The following RELN variants were observed in gnomAD, a reference collection of about 807,000 sequenced individuals.
The protein encoded by RELN is reelin.
Under a neutral mutation model 427.6 loss-of-function variants are expected in RELN, and 108 were observed. The ratio of observed to expected loss-of-function variants is 0.25; its 90% CI spans 0.22 to 0.30. RELN has a LOEUF of 0.30. Ranked by LOEUF, RELN falls within the 10% of genes least tolerant of loss-of-function variation. RELN has a pLI of 1.00. For synonymous variants in RELN, 1,524 were observed against 1,513.4 expected, an observed-to-expected ratio of 1.01 and a Z score of -0.16; for missense variants, 3,715 against 4,302.8, an observed-to-expected ratio of 0.86 and a Z score of 3.82.
intron 3 of RELN, among the ~76,000 whole-genome samples, chr7:103,812,185 A>G (rs536405744): frequency 6.6e-6 from 1 of 151,056 alleles, no homozygotes; most frequent in South Asian, 2.1e-4. Context: ...TTTTACTTTC[A>G]CTCCTTAGGG....
In RELN at chr7:103,604,388, T is replaced by C. The variant is rs1425464050; in HGVS notation, c.3104A>G (p.Asn1035Ser). The part of the protein sequence containing the change: ...DSIYIGQQCP[N>S]MCSGHGSCDH... ...GCATGAGCCATGCCCACTGCACATG[T>C]TGGGGCACTGCTGCCCAATGTAAAT... Residue 1035 changes from asparagine to serine, a missense_variant, in exon 23 of 65, where the codon AAC (asparagine) becomes AGC (serine). By Grantham distance (46) the Asn-to-Ser change is conservative (BLOSUM62 1). This residue lies in a region of RELN where 2,208 missense variants were observed against 2,361.7 expected (regional missense o/e 0.93). Transcript: ENST00000428762. 6.2e-7 allele frequency: 1 copy of C among 1,613,964 alleles called. No individual in the cohort carries two copies. The highest frequency in any genetic ancestry group is 1.1e-5 in the South Asian group (1 of 91,080).
intron 1 of RELN, among the ~76,000 whole-genome samples, chr7:103,938,186 T>C (rs1796028825): frequency 1.3e-5 from 2 of 152,124 alleles, no homozygotes; most frequent in South Asian, 4.2e-4. Flanking sequence ...CCAGGTGTGG[T>C]GGCGCATGCC....
At chr7:103,669,323 T>C (rs1043070489) in intron 11 of RELN, among the ~76,000 whole-genome samples, 22 of 152,226 alleles carry the variant, frequency 1.4e-4, no homozygotes, top group Non-Finnish European at 2.5e-4. Context: ...AAAAGTCCTG[T>C]TGCTTTGAAT....
intron 28 of RELN, among the ~76,000 whole-genome samples, chr7:103,581,286 C>A (rs1282737798): frequency 1.3e-5 from 2 of 152,166 alleles, no homozygotes; most frequent in Non-Finnish European, 2.9e-5. Flanking sequence ...CTGCTATGTG[C>A]TTCCCATTCC....
At chr7:103,712,800 A>G (rs1789837695) in intron 8 of RELN, among the ~76,000 whole-genome samples, 1 of 152,122 alleles carries the variant, frequency 6.6e-6, no homozygotes, top group African/African-American at 2.4e-5. Context: ...ATCTTCAAGA[A>G]TTTCATCTAT....
At chr7:103,841,786 A>T (rs999838630) in intron 2 of RELN, among the ~76,000 whole-genome samples, 1 of 152,196 alleles carries the variant, frequency 6.6e-6, no homozygotes, top group Non-Finnish European at 1.5e-5. Flanking sequence ...ATTACCAAAA[A>T]TAACCCACCT....
intron 2 of RELN, among the ~76,000 whole-genome samples, chr7:103,851,671 A>G (rs1793825267): frequency 6.6e-6 from 1 of 151,860 alleles, no homozygotes; most frequent in Non-Finnish European, 1.5e-5. Context: ...TTTTTCTGCC[A>G]CTCTTCAGTC....
chr7:103,947,827 C>G (rs951511506), intron 1 of RELN, among the ~76,000 whole-genome samples: 1 of 152,144 alleles, frequency 6.6e-6, no homozygotes, highest in African/African-American at 2.4e-5. Flanking sequence ...AATATTACCC[C>G]TTACAATGTC....
chr7:103,968,805 C>T lies in RELN; in HGVS notation c.226+20326G>A, dbSNP rs1349909167. On this transcript the variant is annotated intron_variant, in intron 1 of 64. Coordinates refer to ENST00000428762, the MANE Select transcript of RELN (RefSeq NM_005045.4). The surrounding 1 kb of genome is among the most constrained non-coding windows in gnomAD (Gnocchi z 4.3). ...TTACCATTGACATTCTGCCTAACAACAACAAAAACAATTACAGACAAAACT... is the reference window on the plus strand; with the variant it reads ...TTACCATTGACATTCTGCCTAACAATAACAAAAACAATTACAGACAAAACT... Among the ~76,000 whole-genome samples, 2 of 151,998 alleles carry T rather than the reference C, an allele frequency of 1.3e-5. No individual in the cohort carries two copies. The highest frequency in any genetic ancestry group is 2.9e-5 in the Non-Finnish European group (2 of 67,998).
At chr7:103,855,527 T>G (rs1793924839) in intron 2 of RELN, among the ~76,000 whole-genome samples, 1 of 152,176 alleles carries the variant, frequency 6.6e-6, no homozygotes, top group Admixed American at 6.5e-5. Flanking sequence ...AGGGCAAGGA[T>G]TCTATTATTA....
intron 2 of RELN, among the ~76,000 whole-genome samples, chr7:103,834,590 TAACTC>T (rs1242010315): frequency 1.3e-5 from 2 of 152,036 alleles, no homozygotes; most frequent in African/African-American, 4.8e-5. Flanking sequence ...TAGTAATAAA[TAACTC>T]AACAACTAAA....
chr7:103,859,026 A>T lies in RELN; in HGVS notation c.338-25354T>A, dbSNP rs140613116. On this transcript the variant is annotated intron_variant, in intron 2 of 64. Transcript: ENST00000428762. Reference sequence around the variant, plus strand: ...TTTTCAGCTCTTCATGACTGTGAACAGTCATTGGAGAATGTAGCAAATACT... The same window carrying T: ...TTTTCAGCTCTTCATGACTGTGAACTGTCATTGGAGAATGTAGCAAATACT... Among the ~76,000 whole-genome samples the T allele has an allele frequency of 2.0e-5, 3 of 152,358 alleles. No individual in the cohort carries two copies. In the East Asian group the frequency reaches 5.8e-4, roughly 29 times the overall value.
At chr7:103,928,626 C>T (rs936023015) in intron 1 of RELN, among the ~76,000 whole-genome samples, 7 of 152,212 alleles carry the variant, frequency 4.6e-5, no homozygotes, top group African/African-American at 1.7e-4. Context: ...AAGAATTCCA[C>T]TACAGTAAGA....
chr7:103,698,399 T>A (rs961472272), intron 9 of RELN, among the ~76,000 whole-genome samples: 6 of 152,200 alleles, frequency 3.9e-5, no homozygotes, highest in African/African-American at 1.4e-4. Context: ...CACACACTGC[T>A]ATGGCTTGTG....
chr7:103,668,834 A>G (rs1215366034), intron 11 of RELN, among the ~76,000 whole-genome samples: 1 of 152,192 alleles, frequency 6.6e-6, no homozygotes, highest in Non-Finnish European at 1.5e-5. Context: ...CTACTGATCC[A>G]CAAAGCAAGT....
At chr7:103,665,462 T>C (rs1833244004) in intron 11 of RELN, among the ~76,000 whole-genome samples, 1 of 152,068 alleles carries the variant, frequency 6.6e-6, no homozygotes, top group South Asian at 2.1e-4. Context: ...TTCACAATTG[T>C]CTTGGCTACT....
intron 20 of RELN, 79 bp downstream of exon 20, chr7:103,629,861 T>C: frequency 1.1e-6 from 1 of 933,792 alleles, no homozygotes; most frequent in Non-Finnish European, 1.8e-6. Context: ...AATGACTAAA[T>C]GCTGAATAGA....
chr7:103,845,472 C>A (rs1426770815), intron 2 of RELN, among the ~76,000 whole-genome samples: 1 of 152,198 alleles, frequency 6.6e-6, no homozygotes, highest in Non-Finnish European at 1.5e-5. Flanking sequence ...CGAGCCAAGG[C>A]ACCCGACCCA....
At chr7:103,900,381 T>A (rs1351315035) in intron 2 of RELN, among the ~76,000 whole-genome samples, 1 of 152,062 alleles carries the variant, frequency 6.6e-6, no homozygotes, top group Non-Finnish European at 1.5e-5. Flanking sequence ...CCAAAGTAAT[T>A]TATAGATTCA....
Sources: gnomAD v4.1 joint callset for allele counts (sites outside exome capture counted in the v4.1 genomes callset) on GRCh38, gnomAD v4.1.1 for gene constraint, gnomAD v4.1.1 regional missense constraint, Gnocchi (gnomAD v3.1) non-coding constraint, MANE v1.5 for transcripts, NCBI Gene and HGNC (gene_info 2026-07-23, HGNC 2026-07-21) for gene names.